CLVS1: variants seen among roughly 807,000 people sequenced by gnomAD.
The protein encoded by CLVS1 is clavesin-1.
Under a neutral mutation model 33.1 loss-of-function variants are expected in CLVS1, and 10 were observed. That is an observed-to-expected ratio of 0.30 (90% CI 0.19 to 0.51). The LOEUF is 0.51. Among genes scored for constraint, CLVS1 ranks in the 20% least tolerant of loss-of-function variants. The probability of loss-of-function intolerance (pLI) is 0.97; values close to 1 mark genes in which losing one functional copy is unlikely to be tolerated. For missense variants in CLVS1, 343 were observed against 433.4 expected, an observed-to-expected ratio of 0.79 and a Z score of 1.85; for synonymous variants, 163 against 166.1, an observed-to-expected ratio of 0.98 and a Z score of 0.14.
chr8:61,213,038 C>T (rs1408403242), intron 2 of CLVS1, among the ~76,000 whole-genome samples: 1 of 152,010 alleles, frequency 6.6e-6, no homozygotes, highest in Non-Finnish European at 1.5e-5. Context: ...GTCCCACTAT[C>T]CCTCACCACT....
chr8:61,021,560 C>T, the CLVS1 span, among the ~76,000 whole-genome samples: 362 of 151,156 alleles, frequency 2.4e-3, 2 homozygotes, highest in Middle Eastern at 0.01. Context: ...CGGGGTTTCA[C>T]CATGTTGACC....
intron 2 of CLVS1, among the ~76,000 whole-genome samples, chr8:61,216,413 G>A (rs1292743339): frequency 6.6e-6 from 1 of 152,184 alleles, no homozygotes; most frequent in Non-Finnish European, 1.5e-5. Context: ...CTGTCTGAAG[G>A]AAGGAGTTTA....
chr8:61,139,268 A>G (rs150444780), intron 2 of CLVS1, among the ~76,000 whole-genome samples: 253 of 152,298 alleles, frequency 1.7e-3, no homozygotes, highest in Non-Finnish European at 3.1e-3. Flanking sequence ...GGGCAGCGGA[A>G]CCGCAGGACC....
At chr8:61,319,631 T>C (rs1009079474) in intron 2 of CLVS1, among the ~76,000 whole-genome samples, 2 of 152,158 alleles carry the variant, frequency 1.3e-5, no homozygotes, top group African/African-American at 4.8e-5. Context: ...CTCATTCCTC[T>C]GATGAGTCCT....
intron 2 of CLVS1, among the ~76,000 whole-genome samples, chr8:61,276,456 T>C (rs1809563204): frequency 6.6e-6 from 1 of 152,268 alleles, no homozygotes; most frequent in South Asian, 2.1e-4. Context: ...CATGCACCAG[T>C]AAAGTTGTAC....
intron 5 of CLVS1, among the ~76,000 whole-genome samples, chr8:61,476,981 T>C (rs989834107): frequency 6.6e-6 from 1 of 152,186 alleles, no homozygotes; most frequent in East Asian, 1.9e-4. Flanking sequence ...CATCAATACC[T>C]AATTTATTGA....
At chr8:61,132,023 T>C (rs78702695) in intron 2 of CLVS1, among the ~76,000 whole-genome samples, 6,852 of 152,354 alleles carry the variant, frequency 0.045, 192 homozygotes, top group South Asian at 0.1. Flanking sequence ...GGGGTGCCTC[T>C]GGCACTTCCT....
chr8:60,983,619 T>C, the CLVS1 span, among the ~76,000 whole-genome samples: 1 of 152,094 alleles, frequency 6.6e-6, no homozygotes, highest in African/African-American at 2.4e-5. Flanking sequence ...TCAGTGAGGT[T>C]TTGCAGGGAG....
intron 1 of CLVS1, among the ~76,000 whole-genome samples, chr8:61,073,342 G>A (rs895532055): frequency 2.4e-4 from 36 of 152,224 alleles, no homozygotes; most frequent in African/African-American, 7.9e-4. Flanking sequence ...CAAACCATAC[G>A]CTGTCAGATT....
At chr8:61,184,600 G>A (rs896913840) in intron 2 of CLVS1, among the ~76,000 whole-genome samples, 3 of 152,200 alleles carry the variant, frequency 2.0e-5, no homozygotes, top group Admixed American at 2.0e-4. Context: ...GGGATCAGCT[G>A]CCTAGAGAGA....
chr8:61,338,457 G>A (rs1335714504), intron 2 of CLVS1, among the ~76,000 whole-genome samples: 2 of 152,116 alleles, frequency 1.3e-5, no homozygotes, highest in Admixed American at 6.5e-5. Context: ...GTAGGCACAG[G>A]GTGGAGTCTG....
chr8:61,198,011 T>A (rs2931321), intron 2 of CLVS1, among the ~76,000 whole-genome samples: 46,043 of 152,142 alleles, frequency 0.3, 9,285 homozygotes, highest in Middle Eastern at 0.49. Context: ...CCTCTTTCCA[T>A]GATATGAAGT....
At chr8:61,371,564 A>ATCAT (rs1813440048) in intron 2 of CLVS1, among the ~76,000 whole-genome samples, 1 of 152,192 alleles carries the variant, frequency 6.6e-6, no homozygotes, top group African/African-American at 2.4e-5. Flanking sequence ...CTTCAACTCC[A>ATCAT]TCATATCTTT....
At chr8:61,341,988 A>C (rs1223922669) in intron 2 of CLVS1, among the ~76,000 whole-genome samples, 1 of 152,182 alleles carries the variant, frequency 6.6e-6, no homozygotes, top group Non-Finnish European at 1.5e-5. Context: ...TTCCGATGGA[A>C]AGTAATAGAA....
At chr8:61,126,078 TACTTACAGCCCCA>T (rs1438994702) in intron 1 of CLVS1, among the ~76,000 whole-genome samples, 2 of 152,174 alleles carry the variant, frequency 1.3e-5, no homozygotes, top group African/African-American at 4.8e-5. Flanking sequence ...CTCTAAGCTC[TACTTACAGCCCCA>T]CTGTGAGCCT....
At chr8:61,459,131 G>A (rs1317434733) in intron 5 of CLVS1, among the ~76,000 whole-genome samples, 1 of 152,016 alleles carries the variant, frequency 6.6e-6, no homozygotes, top group African/African-American at 2.4e-5. Context: ...GACAGACTGA[G>A]GCATGTAGGT....
intron 2 of CLVS1, among the ~76,000 whole-genome samples, chr8:61,246,604 C>T (rs1011582793): frequency 1.3e-5 from 2 of 152,042 alleles, no homozygotes; most frequent in Non-Finnish European, 2.9e-5. Context: ...TTGTCCTTAG[C>T]TTTTTCTTGA....
At chr8:61,334,799 A>G (rs1015236031) in intron 2 of CLVS1, among the ~76,000 whole-genome samples, 1 of 152,176 alleles carries the variant, frequency 6.6e-6, no homozygotes, top group Non-Finnish European at 1.5e-5. Context: ...TAACTGCCCA[A>G]GGGGTTCACC....
intron 2 of CLVS1, among the ~76,000 whole-genome samples, chr8:61,222,895 T>C (rs970794942): frequency 2.0e-5 from 3 of 151,796 alleles, no homozygotes; most frequent in East Asian, 3.9e-4. Context: ...TTTTGTTGAA[T>C]TGATTCCTTT....
Sources: allele counts gnomAD v4.1 joint callset (sites outside exome capture counted in the v4.1 genomes callset), GRCh38; gene constraint gnomAD v4.1.1; transcripts MANE v1.5; gene names NCBI Gene and HGNC (gene_info 2026-07-23, HGNC 2026-07-21).